DRC7: variants seen among roughly 807,000 people sequenced by gnomAD.
DRC7 encodes dynein regulatory complex subunit 7.
Under a neutral mutation model 104.4 loss-of-function variants are expected in DRC7, and 80 were observed. The observed-to-expected ratio is 0.77, with a 90% CI of 0.64 to 0.92. DRC7 has a LOEUF of 0.92. Ranked by LOEUF, DRC7 falls within the 40% of genes least tolerant of loss-of-function variation. The pLI is 0.00. For missense variants in DRC7, 1,034 were observed against 1,141.1 expected, an observed-to-expected ratio of 0.91 and a Z score of 1.35; for synonymous variants, 405 against 447.3, an observed-to-expected ratio of 0.91 and a Z score of 1.19.
intron 12 of DRC7, 24 bp from the exon 13 acceptor site, chr16:57,724,591 T>TC (rs765030985): frequency 1.5e-4 from 237 of 1,563,272 alleles, no homozygotes; most frequent in Non-Finnish European, 2.0e-4. Context: ...AGCTGTCTCC[T>TC]CCCAACTCCC....
At chr16:57,718,242 G>A in intron 8 of DRC7, 105 bp from the exon 9 acceptor site, 1 of 1,452,352 alleles carries the variant, frequency 6.9e-7, no homozygotes, top group Non-Finnish European at 9.4e-7. Flanking sequence ...CCTGGGCCCA[G>A]GTCCCTTCTC....
At chr16:57,700,032 C>T (rs1213562306) in intron 4 of DRC7, 113 bp from the exon 5 acceptor site, 1 of 1,271,530 alleles carries the variant, frequency 7.9e-7, no homozygotes, top group Non-Finnish European at 1.1e-6. Context: ...GGCCTGGCCT[C>T]CTGCATTTGC....
At position 57,726,771 on chromosome 16, in the gene DRC7, G is replaced by A. The variant is rs1192527460; in HGVS notation, c.1975-61G>A. On this transcript the variant is annotated intron_variant, in intron 14 of 18. Coordinates refer to ENST00000360716, the MANE Select transcript of DRC7 (RefSeq NM_001289162.2). ...AGTGGCAGGGGTAGATTTGAACCCA[G>A]GTGGTCCTATGCCCCGATCATGGCA... is the stretch of plus-strand genomic sequence containing the variant. The A allele has an allele frequency of 8.6e-6, 9 of 1,042,488 alleles. No homozygotes were observed. The Admixed American group carries it at 1.8e-4, about 21-fold the overall frequency. The allele number at this position is 1,042,488 out of a possible 1,614,324, so 64.6% of individuals were successfully genotyped here.
At chr16:57,702,269 C>G (rs1370273309) in intron 6 of DRC7, 139 bp downstream of exon 6, 1 of 763,680 alleles carries the variant, frequency 1.3e-6, no homozygotes, top group Non-Finnish European at 2.1e-6. Context: ...ACCACCAGCC[C>G]TTCCGCTGCC....
chr16:57,730,347 G>A (rs532928793), intron 17 of DRC7, among the ~76,000 whole-genome samples: 1 of 150,244 alleles, frequency 6.7e-6, no homozygotes, highest in Non-Finnish European at 1.5e-5. Context: ...ATAGATGGAC[G>A]GTTGGATGGG....
intron 4 of DRC7, among the ~76,000 whole-genome samples, chr16:57,699,387 AC>A (rs1421862463): frequency 1.3e-5 from 2 of 152,188 alleles, no homozygotes; most frequent in African/African-American, 4.8e-5. Context: ...AAACATTGCC[AC>A]GTGGGCCAAA....
At chr16:57,730,889 A>T in intron 17 of DRC7, 42 bp from the exon 18 acceptor site, 1 of 1,606,560 alleles carries the variant, frequency 6.2e-7, no homozygotes, top group South Asian at 1.1e-5. Flanking sequence ...GGTGAAGGTC[A>T]GCCTTGTCAG....
At chr16:57,711,453 G>T (rs1361486918) in intron 8 of DRC7, among the ~76,000 whole-genome samples, 16 of 152,228 alleles carry the variant, frequency 1.1e-4, no homozygotes, top group Non-Finnish European at 2.9e-5. Context: ...TTCCAGGAAA[G>T]AATTCAAGGG....
chr16:57,709,105 G>A (rs372411023), intron 8 of DRC7, among the ~76,000 whole-genome samples: 53 of 148,930 alleles, frequency 3.6e-4, no homozygotes, highest in African/African-American at 1.3e-3. Flanking sequence ...CTCCAGCCTG[G>A]GCGACAAAGC....
chr16:57,727,928 G>T (rs1451621497), intron 16 of DRC7, among the ~76,000 whole-genome samples: 1 of 152,212 alleles, frequency 6.6e-6, no homozygotes, highest in Non-Finnish European at 1.5e-5. Flanking sequence ...CCCAGGGGAG[G>T]GTGTCAGCCC....
At chr16:57,730,789 G>T in intron 17 of DRC7, 142 bp from the exon 18 acceptor site, 5 of 830,584 alleles carry the variant, frequency 6.0e-6, no homozygotes, top group Non-Finnish European at 3.8e-6. Context: ...TCTGTGGCAG[G>T]TATGGATAGG....
chr16:57,726,240 G>T lies in DRC7; in HGVS notation c.1931G>T (p.Gly644Val), dbSNP rs1567887959. The T allele has an allele frequency of 6.2e-7, 1 of 1,612,918 alleles. No individual in the cohort carries two copies. Among genetic ancestry groups the T allele is most frequent in the Non-Finnish European group, 8.5e-7 (1 of 1,179,788 alleles). Residue 644 changes from glycine to valine, a missense_variant, in exon 14 of 19, where the codon GGC becomes GTC. Physicochemically the swap from Gly to Val is moderately radical, Grantham distance 109. Transcript: ENST00000360716. ...CGGCGCACCGAGGTGGACAGCAAAGGCAACAAGATCATCATGACGCCCGAC... is the reference window on the plus strand; with the variant it reads ...CGGCGCACCGAGGTGGACAGCAAAGTCAACAAGATCATCATGACGCCCGAC... ...FLRRTEVDSK[G>V]NKIIMTPDMC...
At chr16:57,705,555 TC>T (rs1178301468) in intron 7 of DRC7, among the ~76,000 whole-genome samples, 1 of 119,728 alleles carries the variant, frequency 8.4e-6, no homozygotes, top group African/African-American at 3.3e-5. Context: ...CATCCATCTG[TC>T]CTCCCACCCA....
At chr16:57,721,816 G>T in intron 10 of DRC7, 77 bp downstream of exon 10, 1 of 1,084,088 alleles carries the variant, frequency 9.2e-7, no homozygotes, top group East Asian at 2.5e-5. Context: ...CAACAGCGAG[G>T]CAGGGGGACA....
chr16:57,728,990 A>G (rs2049009719), intron 17 of DRC7, among the ~76,000 whole-genome samples: 1 of 147,190 alleles, frequency 6.8e-6, no homozygotes, highest in South Asian at 2.2e-4. Flanking sequence ...GGATGAATGG[A>G]TGGGTGAGTA....
intron 9 of DRC7, among the ~76,000 whole-genome samples, chr16:57,720,819 C>A (rs1478549622): frequency 6.6e-6 from 1 of 152,140 alleles, no homozygotes; most frequent in Non-Finnish European, 1.5e-5. Context: ...AAAGTCTTAT[C>A]CAAGTTTCTG....
chr16:57,718,901 A>G (rs1200132902), intron 9 of DRC7, among the ~76,000 whole-genome samples: 1 of 152,062 alleles, frequency 6.6e-6, no homozygotes, highest in Non-Finnish European at 1.5e-5. Flanking sequence ...AGGCAGGAGG[A>G]TCACTTGAGA....
intron 1 of DRC7, among the ~76,000 whole-genome samples, chr16:57,695,196 G>A (rs1448198352): frequency 1.1e-4 from 16 of 151,720 alleles, no homozygotes; most frequent in Admixed American, 5.3e-4. Context: ...CTGACACGTC[G>A]GCTTCCTCTT....
At chr16:57,714,073 G>A (rs2048816355) in intron 8 of DRC7, 1 of 210,490 alleles carries the variant, frequency 4.8e-6, no homozygotes, top group African/African-American at 2.3e-5. Flanking sequence ...CTTTGACCGA[G>A]TTATCATGGA....
Sources: allele counts gnomAD v4.1 joint callset (sites outside exome capture counted in the v4.1 genomes callset), GRCh38; gene constraint gnomAD v4.1.1; transcripts MANE v1.5; gene names NCBI Gene and HGNC (gene_info 2026-07-23, HGNC 2026-07-21).